CUX2: variants seen among roughly 807,000 people sequenced by gnomAD.
The protein encoded by CUX2 is cut like homeobox 2, also known as homeobox protein cut-like 2.
A neutral mutation model predicts 144.8 loss-of-function variants in CUX2; 40 were observed. The observed-to-expected ratio is 0.28, with a 90% CI of 0.21 to 0.36. The LOEUF is 0.36. CUX2 is among the 10% of genes least tolerant of loss of function. CUX2 has a pLI of 1.00. For synonymous variants in CUX2, 827 were observed against 875.6 expected (o/e 0.94, Z 0.98); for missense variants, 1,615 against 1,994.0 (o/e 0.81, Z 3.62).
intron 1 of CUX2, among the ~76,000 whole-genome samples, chr12:111,212,679 A>AG (rs1222244694): frequency 1.3e-5 from 2 of 152,204 alleles, no homozygotes; most frequent in African/African-American, 2.4e-5. Context: ...TGGTGCCTCT[A>AG]CCTTCTCCCT....
chr12:111,100,829 G>A (rs144761323), intron 1 of CUX2, among the ~76,000 whole-genome samples: 1 of 152,308 alleles, frequency 6.6e-6, no homozygotes, highest in Non-Finnish European at 1.5e-5. Context: ...TTGCATATGA[G>A]CACATGTGTG....
At chr12:111,202,885 G>C (rs1012480863) in intron 1 of CUX2, among the ~76,000 whole-genome samples, 11 of 152,094 alleles carry the variant, frequency 7.2e-5, no homozygotes, top group Non-Finnish European at 1.5e-4. Context: ...GGTGAGGAAA[G>C]AGGGAGCAGC....
rs771004449 is a variant in CUX2 at position 111,061,303 on chromosome 12, A to G, written c.63+27063A>G. Among the ~76,000 whole-genome samples the G allele has an allele frequency of 1.3e-5, 2 of 151,362 alleles. No homozygotes were observed. The highest frequency in any genetic ancestry group is 2.9e-5 in the Non-Finnish European group (2 of 67,914). On this transcript the variant is annotated intron_variant, in intron 1 of 21. Transcript: ENST00000261726. This position sits in a 1 kb window ranked among gnomAD's most constrained non-coding sequence, Gnocchi z 4.2. ...GCATCCTTTGCTCTCCTTTCTTCCTATTTTTATTCCTGTTTGAGTCACTAT... is the reference window on the plus strand; with the variant it reads ...GCATCCTTTGCTCTCCTTTCTTCCTGTTTTTATTCCTGTTTGAGTCACTAT...
At chr12:111,151,323 TAAG>T (rs772524269) in intron 1 of CUX2, among the ~76,000 whole-genome samples, 3 of 152,222 alleles carry the variant, frequency 2.0e-5, no homozygotes, top group Non-Finnish European at 4.4e-5. Flanking sequence ...GCAGTAACTG[TAAG>T]AAGATTTAAA....
At chr12:111,070,647 C>A (rs2136030082) in intron 1 of CUX2, among the ~76,000 whole-genome samples, 1 of 152,154 alleles carries the variant, frequency 6.6e-6, no homozygotes, top group South Asian at 2.1e-4. Context: ...AGGATTCATT[C>A]TTGGTGTGGT....
At chr12:111,325,599 C>T (rs1444531604) in intron 18 of CUX2, among the ~76,000 whole-genome samples, 4 of 148,204 alleles carry the variant, frequency 2.7e-5, no homozygotes, top group Non-Finnish European at 5.9e-5. Flanking sequence ...GAAAAGACTT[C>T]CATCCTTTTT....
chr12:111,269,695 T>C (rs1223514889), intron 4 of CUX2, among the ~76,000 whole-genome samples: 1 of 152,172 alleles, frequency 6.6e-6, no homozygotes, highest in African/African-American at 2.4e-5. Context: ...GACCCTCATC[T>C]TTCTGGAGAG....
intron 1 of CUX2, among the ~76,000 whole-genome samples, chr12:111,166,239 C>A (rs138920921): frequency 6.6e-6 from 1 of 152,306 alleles, no homozygotes; most frequent in African/African-American, 2.4e-5. Context: ...CCAGGCTGGA[C>A]TTGATCTTCT....
chr12:111,159,389 A>G (rs1877610222), intron 1 of CUX2, among the ~76,000 whole-genome samples: 1 of 151,524 alleles, frequency 6.6e-6, no homozygotes, highest in African/African-American at 2.4e-5. Flanking sequence ...ACCCCAAGCA[A>G]TGCTCCTGCC....
chr12:111,204,993 C>T (rs1880828734), intron 1 of CUX2, among the ~76,000 whole-genome samples: 1 of 152,210 alleles, frequency 6.6e-6, no homozygotes, highest in African/African-American at 2.4e-5. Context: ...ATAGGCACCA[C>T]CCCTTGCCCT....
intron 2 of CUX2, among the ~76,000 whole-genome samples, chr12:111,217,153 A>G (rs1881583615): frequency 1.3e-5 from 2 of 152,308 alleles, no homozygotes; most frequent in South Asian, 4.1e-4. Flanking sequence ...ACCTCAGGTC[A>G]CTTATGAAAG....
intron 3 of CUX2, among the ~76,000 whole-genome samples, chr12:111,256,485 C>T (rs2136281720): frequency 6.6e-6 from 1 of 152,238 alleles, no homozygotes; most frequent in South Asian, 2.1e-4. Context: ...AGACGTCCAC[C>T]CCCCATCATC....
intron 3 of CUX2, among the ~76,000 whole-genome samples, chr12:111,262,348 T>C (rs1232891878): frequency 6.6e-6 from 1 of 151,254 alleles, no homozygotes; most frequent in East Asian, 1.9e-4. Context: ...AGACTAACAA[T>C]GAGAGAAATT....
At chr12:111,198,336 G>A (rs998033193) in intron 1 of CUX2, among the ~76,000 whole-genome samples, 3 of 152,122 alleles carry the variant, frequency 2.0e-5, no homozygotes, top group Admixed American at 6.5e-5. Context: ...TTAGCCGGGT[G>A]TGGTGGTGAA....
intron 3 of CUX2, among the ~76,000 whole-genome samples, chr12:111,242,551 C>G (rs4766562): frequency 6.6e-6 from 1 of 151,986 alleles, no homozygotes; most frequent in South Asian, 2.1e-4. Context: ...TGGTGGCTCA[C>G]GCCTGTAATC....
At chr12:111,347,484 C>A (rs1343384134) in intron 21 of CUX2, 40 bp from the exon 22 acceptor site, 4 of 1,534,134 alleles carry the variant, frequency 2.6e-6, no homozygotes, top group Non-Finnish European at 3.5e-6. Flanking sequence ...GTTTGGGAGT[C>A]CCCTGTCCAG....
intron 21 of CUX2, among the ~76,000 whole-genome samples, chr12:111,345,735 CAAAAA>C (rs762939855): frequency 2.7e-4 from 14 of 51,302 alleles, no homozygotes; most frequent in Non-Finnish European, 8.2e-5. Context: ...GACTCCGTCT[CAAAAA>C]AAAAAAAAAA....
chr12:111,320,792 C>A lies in CUX2; in HGVS notation c.2766+17C>A. On this transcript the variant is annotated intron_variant, in intron 17 of 21. Coordinates refer to ENST00000261726, the MANE Select transcript of CUX2 (RefSeq NM_015267.4). This position sits in a 1 kb window ranked among gnomAD's most constrained non-coding sequence, Gnocchi z 8.1. ...GGGGAGAAGGTGAGTGCAGGGCGGG[C>A]CCCCGGTGTCTGGGCTCTGGGAGAA... 6.7e-7 allele frequency: 1 copy of A among 1,485,274 alleles called. No homozygotes were observed. The highest frequency in any genetic ancestry group is 8.9e-7 in the Non-Finnish European group (1 of 1,120,848). 92.0% of individuals were successfully genotyped at this position (1,485,274 alleles called of 1,614,324 possible).
chr12:111,177,347 C>T (rs118169009), intron 1 of CUX2, among the ~76,000 whole-genome samples: 1,959 of 152,164 alleles, frequency 0.013, 17 homozygotes, highest in Non-Finnish European at 0.019. Context: ...ACCACCGGGA[C>T]CAAGGGGTGG....
Sources: gnomAD v4.1 joint callset for allele counts (sites outside exome capture counted in the v4.1 genomes callset) on GRCh38, gnomAD v4.1.1 for gene constraint, Gnocchi (gnomAD v3.1) non-coding constraint, MANE v1.5 for transcripts, NCBI Gene and HGNC (gene_info 2026-07-23, HGNC 2026-07-21) for gene names.